The following SRRM2 variants were observed in gnomAD, a reference collection of about 807,000 sequenced individuals.
SRRM2 encodes serine/arginine repetitive matrix protein 2.
A neutral mutation model predicts 213.8 loss-of-function variants in SRRM2; 30 were observed. The observed-to-expected ratio is 0.14, with a 90% CI of 0.10 to 0.19. The LOEUF (loss-of-function observed/expected upper bound fraction) is 0.19, where lower values mean the gene tolerates loss of function less well. SRRM2 is among the 10% of genes least tolerant of loss of function. SRRM2 has a pLI of 1.00. For missense variants in SRRM2, 4,904 were observed against 3,647.0 expected, an observed-to-expected ratio of 1.34 and a Z score of -8.88; for synonymous variants, 2,025 against 1,377.7, an observed-to-expected ratio of 1.47 and a Z score of -10.40.
chr16:2,762,151 C>T lies in SRRM2; in HGVS notation c.1623C>T (p.Gly541=), dbSNP rs201448884. ...GCTCTAGGTCTCCTCAGCGACCAGG[C>T]TGGTCTAGGAGCAGAAATACCCAGA... The part of the protein sequence containing the change: ...RGRSRSPQRP[G]WSRSRNTQRR... The change falls in exon 11 of 15, where the codon GGC becomes GGT. Residue 541 remains glycine, a synonymous_variant. Transcript: ENST00000301740. 1.2e-6 allele frequency: 2 copies of T among 1,613,824 alleles called. No individual in the cohort carries two copies. Among genetic ancestry groups the T allele is most frequent in the South Asian group, 1.1e-5 (1 of 91,076 alleles).
chr16:2,753,177 C>T (rs1329669582), intron 1 of SRRM2, among the ~76,000 whole-genome samples: 3 of 151,462 alleles, frequency 2.0e-5, no homozygotes, highest in Admixed American at 1.3e-4. Context: ...GGCCTTCCTG[C>T]AGCTGCCGTT....
At chr16:2,759,774 G>T in intron 9 of SRRM2, 113 bp downstream of exon 9, 1 of 920,836 alleles carries the variant, frequency 1.1e-6, no homozygotes, top group Non-Finnish European at 1.7e-6. Context: ...CGGAAGACAC[G>T]GTCCCTGCCC....
chr16:2,754,558 G>C (rs560590200), intron 1 of SRRM2, among the ~76,000 whole-genome samples: 1 of 152,266 alleles, frequency 6.6e-6, no homozygotes, highest in South Asian at 2.1e-4. Flanking sequence ...CCAAAGTGCA[G>C]GTGTTACAGG....
intron 2 of SRRM2, 138 bp from the exon 3 acceptor site, chr16:2,757,334 G>A (rs2068180006): frequency 1.5e-6 from 1 of 652,146 alleles, no homozygotes; most frequent in Non-Finnish European, 2.7e-6. Context: ...AGATCAGACA[G>A]AAGGGACTTT....
At chr16:2,768,440 G>GATCT (rs1394244330) in intron 11 of SRRM2, 179 bp downstream of exon 11, 1 of 702,706 alleles carries the variant, frequency 1.4e-6, no homozygotes, top group East Asian at 2.7e-5. Flanking sequence ...AGGAGGAATG[G>GATCT]GACAGATAAA....
rs2068362721 is a variant in SRRM2 at position 2,761,854 on chromosome 16, A to G, written c.1326A>G (p.Lys442=). The change falls in exon 11 of 15, where the codon AAA becomes AAG. Residue 442 remains lysine (K), a synonymous_variant. Transcript: ENST00000301740. ...RHASSSPESP[K]PAPAPGSHRE... is the part of the protein sequence containing the mutation. ...CCAGCTCTTCCCCAGAAAGTCCTAA[A>G]CCTGCTCCAGCTCCAGGGTCCCACC... is the stretch of plus-strand genomic sequence containing the variant. 1 of 1,612,448 alleles carries G rather than the reference A, an allele frequency of 6.2e-7. No individual in the cohort carries two copies. The highest frequency in any genetic ancestry group is 1.3e-5 in the African/African-American group (1 of 74,784).
chr16:2,753,523 GGTA>G (rs2068020776), intron 1 of SRRM2: 1 of 152,220 alleles, frequency 6.6e-6, no homozygotes, highest in East Asian at 1.9e-4. Context: ...ACATTTGTAA[GGTA>G]GACCGTGCGT....
chr16:2,762,675 G>A lies in SRRM2; in HGVS notation c.2147G>A (p.Arg716Lys), dbSNP rs1345991457. Reference protein sequence around the residue: ...SLVRRGRSHSRTPQRRGRSGS... With the variant: ...SLVRRGRSHSKTPQRRGRSGS... ...GTTAGACGTGGAAGATCTCACTCTA[G>A]AACACCTCAAAGAAGAGGCAGATCT... Residue 716 changes from arginine to lysine, a missense_variant, in exon 11 of 15, where the codon AGA becomes AAA. Transcript: ENST00000301740. 1.9e-6 allele frequency: 3 copies of A among 1,614,156 alleles called. No individual in the cohort carries two copies. Among genetic ancestry groups the A allele is most frequent in the Non-Finnish European group, 2.5e-6 (3 of 1,180,024 alleles).
chr16:2,771,141 AC>A lies in SRRM2; in HGVS notation c.*278del, dbSNP rs1336835143. The stretch of plus-strand genomic sequence containing the variant: ...GGGAGGGGAGGATACAGTTCAGGAT[AC>A]CCCAGCCTGGAGTCAGGGCCAGGGA... On this transcript the variant is annotated 3_prime_UTR_variant, in exon 15 of 15. Coordinates refer to ENST00000301740, the MANE Select transcript of SRRM2 (RefSeq NM_016333.4). 4.8e-6 allele frequency: 3 copies of A among 620,614 alleles called. No homozygotes were observed. Among genetic ancestry groups the A allele is most frequent in the Non-Finnish European group, 8.4e-6 (3 of 355,908 alleles). 38.4% of individuals were successfully genotyped at this position (620,614 alleles called of 1,614,324 possible).
chr16:2,762,430 G>T lies in SRRM2; in HGVS notation c.1902G>T (p.Arg634Ser), dbSNP rs768055388. The T allele has an allele frequency of 3.1e-6, 5 of 1,613,896 alleles. No individual in the cohort carries two copies. In the South Asian group the frequency reaches 5.5e-5, roughly 18 times the overall value. ...GGACCCGATCACCAGTACGACGCAG[G>T]TCTCGTAGTAGATCACCAGCCAGGA... ...RSRTRSPVRRRSRSRSPARRS... is the reference protein window; with the variant it reads ...RSRTRSPVRRSSRSRSPARRS... The change falls in exon 11 of 15, where the codon AGG becomes AGT. Residue 634 changes from arginine to serine, a missense_variant. Arg to Ser is a moderately radical substitution (Grantham distance 110). Coordinates refer to ENST00000301740, the MANE Select transcript of SRRM2 (RefSeq NM_016333.4).
intron 1 of SRRM2, among the ~76,000 whole-genome samples, chr16:2,755,761 C>G (rs1300329578): frequency 2.0e-5 from 3 of 152,170 alleles, no homozygotes; most frequent in Non-Finnish European, 2.9e-5. Flanking sequence ...GTCTGCTGTT[C>G]AGATACCTAG....
intron 1 of SRRM2, 120 bp from the exon 2 acceptor site, chr16:2,756,214 G>A (rs2068134482): frequency 1.0e-6 from 1 of 975,666 alleles, no homozygotes. Context: ...ATACAGCGAA[G>A]ACTTAGTGTG....
chr16:2,768,869 C>T lies in SRRM2; in HGVS notation c.7734-128C>T, dbSNP rs749501860. 73 of 1,537,796 alleles carry T rather than the reference C, an allele frequency of 4.7e-5. 1 individual carries two copies. The highest frequency in any genetic ancestry group is 1.5e-4 in the East Asian group (6 of 40,946). On this transcript the variant is annotated intron_variant, in intron 11 of 14. Coordinates refer to ENST00000301740, the MANE Select transcript of SRRM2 (RefSeq NM_016333.4). ...TGCTCTCCAGAGAATTGCTGGCTCA[C>T]GTGGCTCGGAGAGCTCCCAGCGCCT...
At position 2,760,420 on chromosome 16, in the gene SRRM2, CACA is replaced by C; in HGVS notation, c.956_958del (p.Gln319del). 1 of 1,614,170 alleles carries C rather than the reference CACA, an allele frequency of 6.2e-7. No individual in the cohort carries two copies. Among genetic ancestry groups the C allele is most frequent in the South Asian group, 1.1e-5 (1 of 91,078 alleles). On this transcript the variant is annotated inframe_deletion, in exon 10 of 15. Coordinates refer to ENST00000301740, the MANE Select transcript of SRRM2 (RefSeq NM_016333.4). The stretch of plus-strand genomic sequence containing the variant: ...TTCAGTGAACCAGGTACTACCAGCA[CACA>C]ACGGCCTAGTAGCCCGGAGACTGCT...
In SRRM2 at chr16:2,762,443, TCAC is replaced by T. The variant is rs747720835; in HGVS notation, c.1918_1920del (p.Pro640del). The T allele has an allele frequency of 1.6e-4, 254 of 1,613,154 alleles. No individual in the cohort carries two copies. Among genetic ancestry groups the T allele is most frequent in the Non-Finnish European group, 4.5e-5 (53 of 1,179,850 alleles). On this transcript the variant is annotated inframe_deletion, in exon 11 of 15. Transcript: ENST00000301740. ...AGTACGACGCAGGTCTCGTAGTAGA[TCAC>T]CAGCCAGGAGAAGTGGCAGGTCACG...
At chr16:2,770,821 G>A (rs1467833895) in intron 14 of SRRM2, 37 bp from the exon 15 acceptor site, 1 of 1,613,884 alleles carries the variant, frequency 6.2e-7, no homozygotes, top group Admixed American at 1.7e-5. Context: ...GAGGGCTGGG[G>A]TGGGAACTCC....
chr16:2,762,265 C>G lies in SRRM2; in HGVS notation c.1737C>G (p.Ala579=). 6.2e-7 allele frequency: 1 copy of G among 1,602,024 alleles called. No homozygotes were observed. The highest frequency in any genetic ancestry group is 8.5e-7 in the Non-Finnish European group (1 of 1,175,878). Residue 579 remains alanine (A), a synonymous_variant, in exon 11 of 15, where the codon GCC becomes GCG. Transcript: ENST00000301740. ...GTAGATCTCGTTCTAGAACACCAGCCCGCCGGGGCAGGTCCCGCTCTAGAA... is the reference window on the plus strand; with the variant it reads ...GTAGATCTCGTTCTAGAACACCAGCGCGCCGGGGCAGGTCCCGCTCTAGAA... ...TRGRSRSRTP[A]RRGRSRSRTP...
At chr16:2,768,500 TACAGAGG>T in intron 11 of SRRM2, 2 of 692,852 alleles carry the variant, frequency 2.9e-6, no homozygotes, top group Non-Finnish European at 5.2e-6. Context: ...TTTCCGTCTC[TACAGAGG>T]ACAGAACTAG....
At position 2,766,242 on chromosome 16, in the gene SRRM2, C is replaced by T. The variant is rs936686708; in HGVS notation, c.5714C>T (p.Ser1905Leu). Reference sequence around the variant, plus strand: ...CGGAGACGGTCAAGGTCCAGGACTTCAGTGACTCGACGAAGATCCCGGTCA... The same window carrying T: ...CGGAGACGGTCAAGGTCCAGGACTTTAGTGACTCGACGAAGATCCCGGTCA... Reference protein sequence around the residue: ...VSRRRSRSRTSVTRRRSRSRA... With the variant: ...VSRRRSRSRTLVTRRRSRSRA... Residue 1905 changes from serine to leucine, a missense_variant, in exon 11 of 15, where the codon TCA becomes TTA. Coordinates refer to ENST00000301740, the MANE Select transcript of SRRM2 (RefSeq NM_016333.4). The surrounding 1 kb of genome is among the most constrained non-coding windows in gnomAD (Gnocchi z 7.0). The T allele has an allele frequency of 1.2e-6, 2 of 1,614,202 alleles. No homozygotes were observed. Among genetic ancestry groups the T allele is most frequent in the Non-Finnish European group, 1.7e-6 (2 of 1,180,042 alleles).
Sources: gnomAD v4.1 joint callset for allele counts (sites outside exome capture counted in the v4.1 genomes callset) on GRCh38, gnomAD v4.1.1 for gene constraint, Gnocchi (gnomAD v3.1) non-coding constraint, MANE v1.5 for transcripts, NCBI Gene and HGNC (gene_info 2026-07-23, HGNC 2026-07-21) for gene names.